Variants in TFPT observed in about 807,000 individuals in gnomAD.
TFPT encodes INO80 complex subunit F.
TFPT carries 27 observed loss-of-function variants against 28.8 expected under a neutral mutation model. The observed-to-expected ratio is 0.94, with a 90% CI of 0.69 to 1.29. The LOEUF (loss-of-function observed/expected upper bound fraction) is 1.29. TFPT is among the 50% of genes most tolerant of loss of function. The pLI is 0.00. For missense variants in TFPT, 330 were observed against 338.0 expected (o/e 0.98, Z 0.19); for synonymous variants, 152 against 142.8 (o/e 1.06, Z -0.46).
At position 54,110,141 on chromosome 19, in the gene TFPT, C is replaced by T; in HGVS notation, c.283-20G>A. 1 of 1,613,788 alleles carries T rather than the reference C, an allele frequency of 6.2e-7. No individual in the cohort carries two copies. Among genetic ancestry groups the T allele is most frequent in the Non-Finnish European group, 8.5e-7 (1 of 1,179,750 alleles). On this transcript the variant is annotated intron_variant, in intron 2 of 5. Transcript: ENST00000391759. Reference sequence around the variant, plus strand: ...GTTCACCTATGGGGTGGGAAACGCCCATCAGCTGGATCCCACGGCTCCCGT... The same window carrying T: ...GTTCACCTATGGGGTGGGAAACGCCTATCAGCTGGATCCCACGGCTCCCGT...
intron 1 of TFPT, chr19:54,115,044 T>G: frequency 1.3e-6 from 1 of 791,190 alleles, no homozygotes; most frequent in Non-Finnish European, 2.0e-6. Context: ...TCCAACCTCC[T>G]AGTCTGTCAG....
In TFPT at chr19:54,108,381, ACT is replaced by A. The variant is rs779199154; in HGVS notation, c.366_367del (p.Arg122SerfsTer8). 3 of 1,613,270 alleles carry A rather than the reference ACT, an allele frequency of 1.9e-6. No individual in the cohort carries two copies. The highest frequency in any genetic ancestry group is 2.5e-6 in the Non-Finnish European group (3 of 1,179,708). On this transcript the variant is annotated frameshift_variant, in exon 4 of 6. Transcript: ENST00000391759. LOFTEE classifies it high-confidence loss of function. ...GTAGTCATCCCCGTAGGAGTCCAGC[ACT>A]CTCATGAGGAACCTGCTCAGGGGGA...
chr19:54,114,083 G>A (rs2146372142), intron 2 of TFPT, among the ~76,000 whole-genome samples: 1 of 152,298 alleles, frequency 6.6e-6, no homozygotes, highest in South Asian at 2.1e-4. Flanking sequence ...GAGAGGAGAA[G>A]GGTCCAGAGA....
chr19:54,113,591 G>C (rs1372384023), intron 2 of TFPT, among the ~76,000 whole-genome samples: 1 of 151,906 alleles, frequency 6.6e-6, no homozygotes, highest in Non-Finnish European at 1.5e-5. Flanking sequence ...AAACCCTTCA[G>C]TGGCTCCTTC....
chr19:54,114,213 C>T (rs1379542054), intron 2 of TFPT, among the ~76,000 whole-genome samples: 2 of 152,196 alleles, frequency 1.3e-5, no homozygotes, highest in African/African-American at 2.4e-5. Context: ...CCCCGGGAGA[C>T]ATCAGAGAAC....
chr19:54,108,434 TCCTAG>T, intron 3 of TFPT, 39 bp from the exon 4 acceptor site: 1 of 1,613,850 alleles, frequency 6.2e-7, no homozygotes, highest in Non-Finnish European at 8.5e-7. Context: ...ATAACTTATC[TCCTAG>T]CGGCTGGGGA....
chr19:54,108,097 T>C lies in TFPT; in HGVS notation c.571A>G (p.Lys191Glu). 6.4e-7 allele frequency: 1 copy of C among 1,570,140 alleles called. No homozygotes were observed. Among genetic ancestry groups the C allele is most frequent in the Non-Finnish European group, 8.6e-7 (1 of 1,157,840 alleles). The change falls in exon 5 of 6, where the codon AAG (lysine) becomes GAG (glutamate). Residue 191 changes from lysine to glutamate, a missense_variant. By Grantham distance (56) the Lys-to-Glu change is moderately conservative. Transcript: ENST00000391759. ...CCATCCCGTGGCACTCGCCGCCTCT[T>C]CCGCCCACTGGGCCCCTCACCGGGG... Reference protein sequence around the residue: ...PAPGEGPSGRKRRRVPRDGRR... With the variant: ...PAPGEGPSGRERRRVPRDGRR...
intron 3 of TFPT, 29 bp downstream of exon 3, chr19:54,110,022 A>C: frequency 6.2e-7 from 1 of 1,611,382 alleles, no homozygotes; most frequent in African/African-American, 1.3e-5. Context: ...TGAGGCTCAC[A>C]GGCCCAGAGG....
chr19:54,110,733 C>G (rs947722135), intron 2 of TFPT, among the ~76,000 whole-genome samples: 4 of 152,010 alleles, frequency 2.6e-5, no homozygotes, highest in East Asian at 3.9e-4. Flanking sequence ...CCCGACCCCC[C>G]TTCCCATGCC....
intron 2 of TFPT, among the ~76,000 whole-genome samples, chr19:54,112,394 C>T (rs1210736132): frequency 1.3e-5 from 2 of 152,064 alleles, no homozygotes; most frequent in East Asian, 3.8e-4. Flanking sequence ...GCAGAGGCTC[C>T]AGTTGAGTCC....
In TFPT at chr19:54,107,126, AG is replaced by A. The variant is rs760267343; in HGVS notation, c.685del (p.Leu229TrpfsTer32). ...ACCCCGAGAAACCCAACTGGAATCC[AG>A]GGCCTCATCTGCTTCAAAGCCAAAG... ...EDFGFEADEA[L>X]DSSWVSRGPD... On this transcript the variant is annotated frameshift_variant, in exon 6 of 6. Transcript: ENST00000391759. LOFTEE classifies it high-confidence loss of function. The A allele has an allele frequency of 2.1e-5, 34 of 1,614,004 alleles. No homozygotes were observed. The African/African-American group carries it at 4.3e-4, about 20-fold the overall frequency.
At position 54,115,317 on chromosome 19, in the gene TFPT, A is replaced by G; in HGVS notation, c.-48T>C. 1 of 1,613,512 alleles carries G rather than the reference A, an allele frequency of 6.2e-7. No individual in the cohort carries two copies. ...GGGCCTCAGAGCTTCCGACCTCTTC[A>G]ATCTGTAGGTTAAGCCGTTCGCAAA... On this transcript the variant is annotated 5_prime_UTR_variant, in exon 1 of 6. Transcript: ENST00000391759.
intron 3 of TFPT, chr19:54,108,725 ATG>A (rs2073357857): frequency 2.2e-6 from 2 of 911,618 alleles, no homozygotes; most frequent in Non-Finnish European, 3.2e-6. Flanking sequence ...AAACATTCAT[ATG>A]TGAGTTATAA....
Position 54,115,460 on chromosome 19 carries a change from A to G in TFPT, c.-191T>C. The G allele has an allele frequency of 1.5e-6, 1 of 688,692 alleles. No homozygotes were observed. Among genetic ancestry groups the G allele is most frequent in the Non-Finnish European group, 2.4e-6 (1 of 408,556 alleles). 42.7% of individuals were successfully genotyped at this position (688,692 alleles called of 1,614,324 possible). A position where few individuals can be genotyped will look rare whatever the true frequency, so the allele number is the denominator to read the frequency against. On this transcript the variant is annotated 5_prime_UTR_variant, in exon 1 of 6. Coordinates refer to ENST00000391759, the MANE Select transcript of TFPT (RefSeq NM_013342.4). ...CGGCCCACCCCCACGTCCACCCCGA[A>G]TCCCTGCTTAAAGGCCTTGCTTTCT... is the stretch of plus-strand genomic sequence containing the variant.
At chr19:54,108,422 G>T (rs1159971719) in intron 3 of TFPT, 27 bp from the exon 4 acceptor site, 1 of 1,614,076 alleles carries the variant, frequency 6.2e-7, no homozygotes. Flanking sequence ...GCCACCAACG[G>T]AATAACTTAT....
rs770767250 is a variant in TFPT, at chr19:54,114,510, G to T, written c.214C>A (p.Arg72=). 1 of 1,613,870 alleles carries T rather than the reference G, an allele frequency of 6.2e-7. No homozygotes were observed. The change falls in exon 2 of 6, where the codon CGG becomes AGG. Residue 72 remains arginine, a synonymous_variant. Transcript: ENST00000391759. ...CTGCGATTTAATTCCCGCTGGCGCC[G>T]CCGCCGACCCCGGGCTGCCTCTTCC... ...EEEEAARGRR[R]RQRELNRRKY... is the part of the protein sequence containing the mutation.
chr19:54,109,040 G>A (rs1253622531), intron 3 of TFPT: 2 of 162,282 alleles, frequency 1.2e-5, no homozygotes, highest in Admixed American at 1.2e-4. Flanking sequence ...GACTACAGGC[G>A]CCTGCCACTA....
At chr19:54,107,573 G>A (rs1039979358) in intron 5 of TFPT, 1 of 282,132 alleles carries the variant, frequency 3.5e-6, no homozygotes, top group Non-Finnish European at 6.7e-6. Context: ...TGTCTGCCCA[G>A]GCCAGTCACC....
intron 2 of TFPT, among the ~76,000 whole-genome samples, 183 bp downstream of exon 2, chr19:54,114,259 G>C (rs1192943358): frequency 6.6e-6 from 1 of 152,222 alleles, no homozygotes; most frequent in African/African-American, 2.4e-5. Context: ...ACGGGAGATG[G>C]CCCTTCCAGG....
Sources: allele counts gnomAD v4.1 joint callset (sites outside exome capture counted in the v4.1 genomes callset), GRCh38; gene constraint gnomAD v4.1.1; transcripts MANE v1.5; gene names NCBI Gene and HGNC (gene_info 2026-07-23, HGNC 2026-07-21).